Variants in TMEM170B observed in about 807,000 individuals in gnomAD.
The protein encoded by TMEM170B is transmembrane protein 170B.
A neutral mutation model predicts 13.0 loss-of-function variants in TMEM170B; 6 were observed. The ratio of observed to expected loss-of-function variants is 0.46; its 90% CI spans 0.25 to 0.91. The LOEUF is 0.91. TMEM170B is among the 40% of genes least tolerant of loss of function. TMEM170B has a pLI of 0.17. For missense variants in TMEM170B, 138 were observed against 165.2 expected, an observed-to-expected ratio of 0.84 and a Z score of 0.90; for synonymous variants, 61 against 64.9, an observed-to-expected ratio of 0.94 and a Z score of 0.29.
chr6:11,561,307 G>A (rs986513599), intron 1 of TMEM170B, among the ~76,000 whole-genome samples: 3 of 152,178 alleles, frequency 2.0e-5, no homozygotes, highest in Admixed American at 6.5e-5. Context: ...ATTGCTAGAA[G>A]CTTGGATGAG....
At chr6:11,544,340 A>G (rs1041727204) in intron 1 of TMEM170B, among the ~76,000 whole-genome samples, 1 of 152,182 alleles carries the variant, frequency 6.6e-6, no homozygotes, top group Non-Finnish European at 1.5e-5. Context: ...TAGCATGAAA[A>G]TATTCCAAAA....
chr6:11,563,568 G>A (rs578507), intron 1 of TMEM170B, among the ~76,000 whole-genome samples: 32,082 of 152,136 alleles, frequency 0.21, 4,072 homozygotes, highest in South Asian at 0.45. Flanking sequence ...ACTGTAAGTC[G>A]GGGGTTCCCA....
chr6:11,566,454 A>G (rs995578509), intron 2 of TMEM170B, among the ~76,000 whole-genome samples: 2 of 152,094 alleles, frequency 1.3e-5, no homozygotes, highest in Admixed American at 6.5e-5. Flanking sequence ...GACTTCAAAG[A>G]ATTAGTTTAT....
chr6:11,571,793 AAAGATTAAT>A (rs1336217211), intron 2 of TMEM170B, among the ~76,000 whole-genome samples: 1 of 152,194 alleles, frequency 6.6e-6, no homozygotes, highest in Non-Finnish European at 1.5e-5. Context: ...ATAATTGTAA[AAAGATTAAT>A]ATCTAGACTA....
intron 1 of TMEM170B, among the ~76,000 whole-genome samples, chr6:11,558,148 A>T (rs923553116): frequency 2.6e-5 from 4 of 152,306 alleles, no homozygotes; most frequent in Non-Finnish European, 5.9e-5. Flanking sequence ...TATCTACCAC[A>T]GTAATCTTTT....
At chr6:11,553,932 A>ATC (rs1213351115) in intron 1 of TMEM170B, among the ~76,000 whole-genome samples, 5 of 151,990 alleles carry the variant, frequency 3.3e-5, no homozygotes, top group Non-Finnish European at 7.4e-5. Flanking sequence ...TTATGAAATT[A>ATC]TCTCTCTCTC....
Position 11,551,357 on chromosome 6 carries a change from C to T in TMEM170B, c.97+12983C>T, listed in dbSNP as rs1442473801. On this transcript the variant is annotated intron_variant, in intron 1 of 2. Coordinates refer to ENST00000379426, the MANE Select transcript of TMEM170B (RefSeq NM_001100829.3). ...CACAGACCAGCTCTGGAACATTGTG[C>T]GAGCAGACTGCACAAGGGTGTGGTA... Among the ~76,000 whole-genome samples the T allele has an allele frequency of 5.3e-5, 8 of 152,228 alleles. No individual in the cohort carries two copies. The South Asian group carries it at 6.2e-4, about 12-fold the overall frequency.
At chr6:11,564,302 A>C (rs1368841804) in intron 1 of TMEM170B, among the ~76,000 whole-genome samples, 1 of 152,196 alleles carries the variant, frequency 6.6e-6, no homozygotes, top group Non-Finnish European at 1.5e-5. Context: ...CTTCTTGAGG[A>C]GCCTCCATAC....
At chr6:11,549,086 A>G (rs114049614) in intron 1 of TMEM170B, among the ~76,000 whole-genome samples, 1,593 of 152,314 alleles carry the variant, frequency 0.01, 28 homozygotes, top group African/African-American at 0.035. Flanking sequence ...TAATAAAAAA[A>G]GAGTGGTCAG....
rs1335411855 is a variant in TMEM170B at position 11,577,560 on chromosome 6, A to C, written c.*1999A>C. On this transcript the variant is annotated 3_prime_UTR_variant, in exon 3 of 3. Coordinates refer to ENST00000379426, the MANE Select transcript of TMEM170B (RefSeq NM_001100829.3). The stretch of plus-strand genomic sequence containing the variant: ...AAATTGTTTCAGATCTCCAGAATGA[A>C]TACTTATTTTAACATATGTTTATTT... 1.3e-5 allele frequency: 2 copies of C among 152,134 alleles called. No individual in the cohort carries two copies. Among genetic ancestry groups the C allele is most frequent in the African/African-American group, 4.8e-5 (2 of 41,460 alleles). The allele number at this position is 152,134 out of a possible 1,614,324, so 9.4% of individuals were successfully genotyped here.
At chr6:11,574,113 G>A (rs1000330295) in intron 2 of TMEM170B, among the ~76,000 whole-genome samples, 3 of 152,028 alleles carry the variant, frequency 2.0e-5, no homozygotes, top group Admixed American at 1.3e-4. Context: ...TGTACTTGCT[G>A]TATTTCCTGG....
At chr6:11,558,829 A>G (rs2113772864) in intron 1 of TMEM170B, among the ~76,000 whole-genome samples, 1 of 152,310 alleles carries the variant, frequency 6.6e-6, no homozygotes, top group East Asian at 1.9e-4. Flanking sequence ...TCATTAATTG[A>G]ACACTCAAAG....
chr6:11,553,443 G>A (rs1241475872), intron 1 of TMEM170B, among the ~76,000 whole-genome samples: 1 of 152,090 alleles, frequency 6.6e-6, no homozygotes, highest in East Asian at 1.9e-4. Flanking sequence ...GATAATTGGG[G>A]TTCTGCTAAA....
At chr6:11,568,075 T>C (rs1265947413) in intron 2 of TMEM170B, among the ~76,000 whole-genome samples, 3 of 151,628 alleles carry the variant, frequency 2.0e-5, no homozygotes, top group Non-Finnish European at 4.4e-5. Context: ...GCAAAACATA[T>C]AGGTTTGATG....
intron 1 of TMEM170B, among the ~76,000 whole-genome samples, chr6:11,555,155 T>G (rs1759571944): frequency 6.6e-6 from 1 of 152,176 alleles, no homozygotes; most frequent in South Asian, 2.1e-4. Context: ...CTGTTGAATA[T>G]AGATTTCTGT....
rs527642667 is a variant in TMEM170B at position 11,581,787 on chromosome 6, C to A, written c.*6226C>A. 1 of 152,266 alleles carries A rather than the reference C, an allele frequency of 6.6e-6. No homozygotes were observed. The highest frequency in any genetic ancestry group is 6.5e-5 in the Admixed American group (1 of 15,300). 9.4% of individuals were successfully genotyped at this position (152,266 alleles called of 1,614,324 possible). A position where few individuals can be genotyped will look rare whatever the true frequency, so the allele number is the denominator to read the frequency against. ...GCTTCTCTTGTTTTTAAAGTATTTA[C>A]ACATCATTGTTAAGTATTTTTGGAA... On this transcript the variant is annotated 3_prime_UTR_variant, in exon 3 of 3. Transcript: ENST00000379426.
rs1759916539 is a variant in TMEM170B at position 11,578,918 on chromosome 6, G to A, written c.*3357G>A. 6.6e-6 allele frequency: 1 copy of A among 152,088 alleles called. No individual in the cohort carries two copies. Among genetic ancestry groups the A allele is most frequent in the Admixed American group, 6.5e-5 (1 of 15,268 alleles). 9.4% of individuals were successfully genotyped at this position (152,088 alleles called of 1,614,324 possible). ...TGTGGCTGCCACATTGATGTACCTA[G>A]GCTGCCACTCATACAGCAAATAATT... On this transcript the variant is annotated 3_prime_UTR_variant, in exon 3 of 3. Coordinates refer to ENST00000379426, the MANE Select transcript of TMEM170B (RefSeq NM_001100829.3).
At position 11,549,357 on chromosome 6, in the gene TMEM170B, A is replaced by G. The variant is rs1329524393; in HGVS notation, c.97+10983A>G. Among the ~76,000 whole-genome samples the G allele has an allele frequency of 3.9e-5, 6 of 152,300 alleles. No individual in the cohort carries two copies. The East Asian group carries it at 1.2e-3, about 29-fold the overall frequency. On this transcript the variant is annotated intron_variant, in intron 1 of 2. Coordinates refer to ENST00000379426, the MANE Select transcript of TMEM170B (RefSeq NM_001100829.3). The stretch of plus-strand genomic sequence containing the variant: ...TAATCATAGAATAAACAGTGGCAGT[A>G]CCAACACATTTAAAAGAAGCCTCAG...
chr6:11,558,520 T>G (rs1759619171), intron 1 of TMEM170B, among the ~76,000 whole-genome samples: 1 of 152,190 alleles, frequency 6.6e-6, no homozygotes, highest in Non-Finnish European at 1.5e-5. Context: ...CGTAAACCAA[T>G]TAAATCAGAA....
Sources: allele counts gnomAD v4.1 joint callset (sites outside exome capture counted in the v4.1 genomes callset), GRCh38; gene constraint gnomAD v4.1.1; transcripts MANE v1.5; gene names NCBI Gene and HGNC (gene_info 2026-07-23, HGNC 2026-07-21).